UBE3C: variants seen among roughly 807,000 people sequenced by gnomAD.
UBE3C encodes ubiquitin protein ligase E3C.
Under a neutral mutation model 129.4 loss-of-function variants are expected in UBE3C, and 42 were observed. The observed-to-expected ratio is 0.32, with a 90% CI of 0.25 to 0.42. The LOEUF is 0.42. Ranked by LOEUF, UBE3C falls within the 10% of genes least tolerant of loss-of-function variation. The pLI, the probability that UBE3C is intolerant of heterozygous loss-of-function variation, is 1.00. For synonymous variants in UBE3C, 510 were observed against 492.4 expected, an observed-to-expected ratio of 1.04 and a Z score of -0.47; for missense variants, 1,049 against 1,319.1, an observed-to-expected ratio of 0.80 and a Z score of 3.17.
chr7:157,173,701 T>C (rs1444240435), intron 4 of UBE3C, among the ~76,000 whole-genome samples: 1 of 152,226 alleles, frequency 6.6e-6, no homozygotes, highest in Non-Finnish European at 1.5e-5. Flanking sequence ...AACAGTCCTA[T>C]TATATAATGT....
At position 157,219,410 on chromosome 7, in the gene UBE3C, A is replaced by G. The variant is rs538945601; in HGVS notation, c.1915-1279A>G. ...GTGAAAAGCAGAGATGGGGCCTCTC[A>G]GTGATCGAGCATCCCACACCACCTA... On this transcript the variant is annotated intron_variant, in intron 14 of 22. Coordinates refer to ENST00000348165, the MANE Select transcript of UBE3C (RefSeq NM_014671.3). Among the ~76,000 whole-genome samples, 26 of 152,326 alleles carry G rather than the reference A, an allele frequency of 1.7e-4. 1 individual carries two copies. The South Asian group carries it at 5.4e-3, about 32-fold the overall frequency.
At chr7:157,263,615 G>A (rs969547869) in intron 22 of UBE3C, among the ~76,000 whole-genome samples, 1 of 149,992 alleles carries the variant, frequency 6.7e-6, no homozygotes, top group Non-Finnish European at 1.5e-5. Context: ...AGTGAGCCGA[G>A]ATTGTGCCAT....
intron 21 of UBE3C, 63 bp downstream of exon 21, chr7:157,254,373 A>T: frequency 1.0e-6 from 1 of 988,198 alleles, no homozygotes; most frequent in Non-Finnish European, 1.4e-6. Flanking sequence ...TTCCAAAGTA[A>T]TTTTTATTTT....
At chr7:157,208,055 CTTTTTTTTTTTTTTTTTTTTT>C (rs35366316) in intron 13 of UBE3C, 120 bp downstream of exon 13, 8,134 of 93,414 alleles carry the variant, frequency 0.087, 133 homozygotes, top group Middle Eastern at 0.13. Flanking sequence ...ATTTGCAAGA[CTTTTTTTTTTTTTTTTTTTTT>C]TTTTTTTTTT....
chr7:157,221,775 A>T (rs2116614358), intron 15 of UBE3C: 1 of 152,224 alleles, frequency 6.6e-6, no homozygotes, highest in Non-Finnish European at 1.5e-5. Flanking sequence ...AAGGTGGGAA[A>T]TGGTATCTTC....
intron 2 of UBE3C, among the ~76,000 whole-genome samples, chr7:157,165,613 A>G (rs1808192841): frequency 6.6e-6 from 1 of 151,966 alleles, no homozygotes; most frequent in South Asian, 2.1e-4. Flanking sequence ...TGGGCAGGCT[A>G]GTCTTGAACT....
intron 15 of UBE3C, 116 bp from the exon 16 acceptor site, chr7:157,223,138 G>T: frequency 9.1e-7 from 1 of 1,103,492 alleles, no homozygotes; most frequent in Non-Finnish European, 1.4e-6. Context: ...CATGGAACTG[G>T]ATTTAGATAA....
chr7:157,264,852 A>G (rs1415691201), intron 22 of UBE3C, among the ~76,000 whole-genome samples: 1 of 152,168 alleles, frequency 6.6e-6, no homozygotes, highest in Non-Finnish European at 1.5e-5. Flanking sequence ...GATTACAGTC[A>G]TGAGCCACTG....
chr7:157,216,810 C>T (rs892176890), intron 13 of UBE3C, 57 bp from the exon 14 acceptor site: 10 of 1,363,614 alleles, frequency 7.3e-6, no homozygotes, highest in Non-Finnish European at 1.0e-5. Flanking sequence ...GTATGGCTCA[C>T]TGTGCATTGT....
At chr7:157,244,444 T>C (rs1011968525) in intron 18 of UBE3C, among the ~76,000 whole-genome samples, 3 of 152,226 alleles carry the variant, frequency 2.0e-5, no homozygotes, top group Admixed American at 1.3e-4. Flanking sequence ...ATATGGTTAA[T>C]ATGATATGAA....
At chr7:157,231,509 A>G in intron 18 of UBE3C, 182 bp downstream of exon 18, 2 of 803,124 alleles carry the variant, frequency 2.5e-6, no homozygotes, top group Non-Finnish European at 3.8e-6. Context: ...TATGGTTTGA[A>G]TGTCCCCTCC....
At chr7:157,187,559 TTGTG>T (rs371191013) in intron 10 of UBE3C, among the ~76,000 whole-genome samples, 1 of 150,768 alleles carries the variant, frequency 6.6e-6, no homozygotes, top group Non-Finnish European at 1.5e-5. Context: ...TTTTTTGTTT[TTGTG>T]TGTGTGTGTG....
chr7:157,176,016 G>C (rs1808507824), intron 5 of UBE3C, among the ~76,000 whole-genome samples: 1 of 152,150 alleles, frequency 6.6e-6, no homozygotes, highest in Non-Finnish European at 1.5e-5. Context: ...ACAAAAAACA[G>C]CCCTAGGGCT....
chr7:157,185,499 G>A (rs1482734003), intron 9 of UBE3C, among the ~76,000 whole-genome samples: 1 of 152,090 alleles, frequency 6.6e-6, no homozygotes, highest in Non-Finnish European at 1.5e-5. Context: ...TTTGGGCTGA[G>A]AACTAAAGAC....
At chr7:157,252,927 A>G (rs924119267) in intron 19 of UBE3C, among the ~76,000 whole-genome samples, 1 of 152,180 alleles carries the variant, frequency 6.6e-6, no homozygotes, top group Non-Finnish European at 1.5e-5. Flanking sequence ...TTTTAGAAAT[A>G]CAGGTGGGGG....
chr7:157,251,710 T>C (rs1796624623), intron 19 of UBE3C, among the ~76,000 whole-genome samples: 1 of 152,234 alleles, frequency 6.6e-6, no homozygotes, highest in Admixed American at 6.5e-5. Context: ...TATTTGTATT[T>C]AGAGGAAATT....
intron 18 of UBE3C, among the ~76,000 whole-genome samples, chr7:157,243,004 A>G (rs867073354): frequency 3.3e-5 from 5 of 152,058 alleles, no homozygotes; most frequent in Middle Eastern, 3.2e-3. Context: ...ATGGTGAGCC[A>G]AGATTGTGCC....
intron 1 of UBE3C, among the ~76,000 whole-genome samples, chr7:157,163,390 A>C (rs1455714047): frequency 7.4e-6 from 1 of 135,740 alleles, no homozygotes; most frequent in East Asian, 2.0e-4. Context: ...CTCCATCTCA[A>C]AAAAAAAAAA....
chr7:157,177,360 T>C (rs4716460), intron 5 of UBE3C, among the ~76,000 whole-genome samples: 72,353 of 152,146 alleles, frequency 0.48, 19,821 homozygotes, highest in African/African-American at 0.77. Context: ...CTTGACAATA[T>C]GGATATCCTT....
Sources: gnomAD v4.1 joint callset for allele counts (sites outside exome capture counted in the v4.1 genomes callset) on GRCh38, gnomAD v4.1.1 for gene constraint, MANE v1.5 for transcripts, NCBI Gene and HGNC (gene_info 2026-07-23, HGNC 2026-07-21) for gene names.